EVL: variants seen among roughly 807,000 people sequenced by gnomAD.
The protein encoded by EVL is Enah/Vasp-like.
In EVL, 21 loss-of-function variants were observed where a neutral mutation model predicts 59.6. The observed-to-expected ratio is 0.35, with a 90% CI of 0.25 to 0.51. The LOEUF (loss-of-function observed/expected upper bound fraction) is 0.51. Among genes scored for constraint, EVL ranks in the 20% least tolerant of loss-of-function variants. The pLI is 0.97. For missense variants in EVL, 462 were observed against 546.6 expected, an observed-to-expected ratio of 0.85 and a Z score of 1.54; for synonymous variants, 198 against 203.5, an observed-to-expected ratio of 0.97 and a Z score of 0.23.
intron 1 of EVL, among the ~76,000 whole-genome samples, chr14:99,981,465 A>G: frequency 6.6e-6 from 1 of 152,164 alleles, no homozygotes; most frequent in East Asian, 1.9e-4. Flanking sequence ...TAACAATTAT[A>G]TATATAAGCT....
intron 1 of EVL, among the ~76,000 whole-genome samples, chr14:100,083,486 T>A (rs944250259): frequency 6.6e-6 from 1 of 152,128 alleles, no homozygotes; most frequent in Non-Finnish European, 1.5e-5. Context: ...CTTTTTTAAA[T>A]TTGGGAATTC....
intron 1 of EVL, among the ~76,000 whole-genome samples, chr14:100,038,398 A>T (rs1452985921): frequency 6.6e-6 from 1 of 152,154 alleles, no homozygotes; most frequent in African/African-American, 2.4e-5. Context: ...GACTTGCCAT[A>T]TCAAAGAGCA....
chr14:100,044,726 C>T (rs2061522228), intron 1 of EVL, among the ~76,000 whole-genome samples: 1 of 152,154 alleles, frequency 6.6e-6, no homozygotes, highest in Admixed American at 6.5e-5. Context: ...CTGGAAGTAA[C>T]CTAAGCAGGG....
Position 99,993,685 on chromosome 14 carries a change from C to CTTT in EVL, c.5+21650_5+21652dup, listed in dbSNP as rs532512303. 2.3e-3 allele frequency among the ~76,000 whole-genome samples: 179 copies of CTTT among 78,258 alleles called. 17 individuals are homozygous for CTTT. The highest frequency in any genetic ancestry group is 8.0e-3 in the African/African-American group (132 of 16,518). 51.3% of individuals were successfully genotyped at this position (78,258 alleles called of 152,430 possible). A position where few individuals can be genotyped will look rare whatever the true frequency, so the allele number is the denominator to read the frequency against. On this transcript the variant is annotated intron_variant, in intron 1 of 13. Coordinates refer to the EVL transcript ENST00000402714. ...GTCTTTTCAGATTGTTTCTTTCTTT[C>CTTT]TTTTTTTTTTTTTTTTTTTTTTTTG...
At chr14:100,137,295 T>C in intron 9 of EVL, 1 of 501,160 alleles carries the variant, frequency 2.0e-6, no homozygotes, top group Non-Finnish European at 3.6e-6. Context: ...GCTCGCCCTG[T>C]GGCTCTAGTC....
chr14:100,022,283 T>G (rs933045025), intron 1 of EVL, among the ~76,000 whole-genome samples: 4 of 150,750 alleles, frequency 2.7e-5, no homozygotes, highest in South Asian at 4.2e-4. Flanking sequence ...GGTTTGTTTT[T>G]TTTTTTTTTT....
rs949426712 is a variant in EVL, at chr14:100,071,672, TAGTC to T, written c.11+6165_11+6168del. Among the ~76,000 whole-genome samples the T allele has an allele frequency of 2.6e-5, 4 of 152,174 alleles. 1 individual carries two copies. The South Asian group carries it at 6.2e-4, about 24-fold the overall frequency. Reference sequence around the variant, plus strand: ...AAGTTTGAGAACTATGTGTGTAAAATAGTCAGTTGTATGGCTGCACTACAGACAG... The same window carrying T: ...AAGTTTGAGAACTATGTGTGTAAAATAGTTGTATGGCTGCACTACAGACAG... On this transcript the variant is annotated intron_variant, in intron 1 of 13. Transcript: ENST00000392920.
chr14:100,141,286 C>G, intron 12 of EVL, 40 bp downstream of exon 12: 1 of 1,606,804 alleles, frequency 6.2e-7, no homozygotes, highest in East Asian at 2.2e-5. Context: ...AGGCTGAGGG[C>G]AGCCAGCAGG....
chr14:100,133,124 A>T (rs2094656010), intron 8 of EVL, among the ~76,000 whole-genome samples: 1 of 152,186 alleles, frequency 6.6e-6, no homozygotes, highest in Non-Finnish European at 1.5e-5. Flanking sequence ...CCAGGAGTAC[A>T]CTGCAGAGGG....
At chr14:100,009,995 C>G (rs565289887) in intron 1 of EVL, among the ~76,000 whole-genome samples, 1 of 152,120 alleles carries the variant, frequency 6.6e-6, no homozygotes, top group African/African-American at 2.4e-5. Flanking sequence ...GCAGAGGAAA[C>G]TCTCAGACTT....
intron 11 of EVL, chr14:100,140,251 A>G (rs561349719): frequency 6.6e-6 from 1 of 152,242 alleles, no homozygotes; most frequent in Non-Finnish European, 1.5e-5. Flanking sequence ...AAGTAAAAAT[A>G]AAATTCAAAT....
rs1356145729 is a variant in EVL at position 100,137,519 on chromosome 14, G to A, written c.965-59G>A. On this transcript the variant is annotated intron_variant, in intron 9 of 13. Transcript: ENST00000392920. ...TTCCTGTTGGGGTGTTTAGGGGATT[G>A]GGGTGGCTACTGAGTCCCTTCACCT... 3 of 1,560,966 alleles carry A rather than the reference G, an allele frequency of 1.9e-6. No homozygotes were observed. The Admixed American group carries it at 5.0e-5, about 26-fold the overall frequency.
chr14:100,141,667 G>A, intron 12 of EVL, 69 bp from the exon 13 acceptor site: 1 of 1,520,168 alleles, frequency 6.6e-7, no homozygotes, highest in Non-Finnish European at 9.0e-7. Flanking sequence ...CTTTGGACAT[G>A]GCCCAGCCCA....
intron 3 of EVL, among the ~76,000 whole-genome samples, chr14:100,101,214 G>A (rs1220292318): frequency 1.3e-5 from 2 of 152,182 alleles, no homozygotes; most frequent in Non-Finnish European, 2.9e-5. Flanking sequence ...GCCGGGCGCG[G>A]TGGCTCACAC....
At chr14:100,116,697 C>T (rs982201342) in intron 3 of EVL, among the ~76,000 whole-genome samples, 1 of 152,236 alleles carries the variant, frequency 6.6e-6, no homozygotes, top group African/African-American at 2.4e-5. Context: ...CAGGGATTCT[C>T]CTCCGTAGGG....
At chr14:100,093,531 T>C (rs561925103) in intron 2 of EVL, among the ~76,000 whole-genome samples, 3 of 152,272 alleles carry the variant, frequency 2.0e-5, no homozygotes, top group African/African-American at 7.2e-5. Flanking sequence ...CAGCAGCAGT[T>C]GGTGAGCAGC....
At chr14:100,041,061 T>A (rs894403153) in intron 1 of EVL, among the ~76,000 whole-genome samples, 1 of 152,184 alleles carries the variant, frequency 6.6e-6, no homozygotes, top group Non-Finnish European at 1.5e-5. Flanking sequence ...AATAATATAT[T>A]AATACATAAT....
In EVL at chr14:99,991,702, G is replaced by T. The variant is rs867542270; in HGVS notation, c.5+19645G>T. Among the ~76,000 whole-genome samples, 8 of 152,200 alleles carry T rather than the reference G, an allele frequency of 5.3e-5. No individual in the cohort carries two copies. In the East Asian group the frequency reaches 1.5e-3, roughly 29 times the overall value. On this transcript the variant is annotated intron_variant, in intron 1 of 13. Transcript: ENST00000402714. ...GTGGCAAAGTTATCTCGGGGTAAACGCAGCAACCACAGGCGCTGCCAGCAA... is the reference window on the plus strand; with the variant it reads ...GTGGCAAAGTTATCTCGGGGTAAACTCAGCAACCACAGGCGCTGCCAGCAA...
Position 100,123,520 on chromosome 14 carries a change from T to G in EVL, c.359-19T>G. 6.2e-7 allele frequency: 1 copy of G among 1,613,696 alleles called. No homozygotes were observed. The highest frequency in any genetic ancestry group is 1.7e-5 in the Admixed American group (1 of 59,982). ...TTTCTTCCTCTAACCACACTGTTTC[T>G]GTGCTTCTCTGCCCACAGGCCCCTC... On this transcript the variant is annotated intron_variant, in intron 3 of 13. Coordinates refer to ENST00000392920, the MANE Select transcript of EVL (RefSeq NM_016337.3).
Sources: gnomAD v4.1 joint callset for allele counts (sites outside exome capture counted in the v4.1 genomes callset) on GRCh38, gnomAD v4.1.1 for gene constraint, MANE v1.5 for transcripts, NCBI Gene and HGNC (gene_info 2026-07-23, HGNC 2026-07-21) for gene names.